The following XKR6 variants were observed in gnomAD, a reference collection of about 807,000 sequenced individuals.
XKR6 encodes the protein XK-related protein 6.
Under a neutral mutation model 56.7 loss-of-function variants are expected in XKR6, and 22 were observed. That is an observed-to-expected ratio of 0.39 (90% CI 0.28 to 0.55). XKR6 has a LOEUF of 0.55. Ranked by LOEUF, XKR6 falls within the 20% of genes least tolerant of loss-of-function variation. The pLI is 0.66. For synonymous variants in XKR6, 524 were observed against 387.8 expected (o/e 1.35, Z -4.13); for missense variants, 852 against 889.0 (o/e 0.96, Z 0.53).
At chr8:11,137,592 G>C (rs1800470196) in intron 1 of XKR6, 1 of 456,134 alleles carries the variant, frequency 2.2e-6, no homozygotes, top group Admixed American at 2.3e-5. Context: ...GTTCTCTTTA[G>C]AACCAGCTCT....
intron 1 of XKR6, among the ~76,000 whole-genome samples, chr8:11,178,581 T>C (rs1381868519): frequency 6.9e-6 from 1 of 145,174 alleles, no homozygotes; most frequent in African/African-American, 2.5e-5. Flanking sequence ...TATGTATATA[T>C]ATATGTACTA....
At chr8:11,164,819 T>C (rs1801989965) in intron 1 of XKR6, among the ~76,000 whole-genome samples, 2 of 152,228 alleles carry the variant, frequency 1.3e-5, no homozygotes, top group Non-Finnish European at 2.9e-5. Context: ...CCTAGCCTTG[T>C]ATACCTGAGA....
At position 11,005,367 on chromosome 8, in the gene XKR6, GAT is replaced by G. The variant is rs201480594; in HGVS notation, c.765-80539_765-80538del. On this transcript the variant is annotated intron_variant, in intron 1 of 2. Transcript: ENST00000416569. ...ATAAGAAGTGACTGTAGTAGATATA[GAT>G]ATATATATATATACATATCTCCAAT... 3.2e-3 allele frequency among the ~76,000 whole-genome samples: 453 copies of G among 140,310 alleles called. 2 individuals are homozygous for G. Among genetic ancestry groups the G allele is most frequent in the Non-Finnish European group, 4.0e-3 (268 of 66,740 alleles). 92.0% of individuals were successfully genotyped at this position (140,310 alleles called of 152,430 possible).
chr8:10,941,186 G>C (rs1174767517), intron 1 of XKR6, among the ~76,000 whole-genome samples: 2 of 152,064 alleles, frequency 1.3e-5, no homozygotes, highest in East Asian at 3.9e-4. Flanking sequence ...CTTCCTCCGG[G>C]TTCACAGCCT....
intron 1 of XKR6, chr8:11,108,190 C>T (rs777950430): frequency 4.5e-6 from 2 of 439,720 alleles, no homozygotes; most frequent in South Asian, 3.3e-5. Flanking sequence ...ATGTCCACTA[C>T]ACTTATAAAC....
At chr8:10,901,480 C>T (rs1192148598) in intron 2 of XKR6, among the ~76,000 whole-genome samples, 1 of 152,188 alleles carries the variant, frequency 6.6e-6, no homozygotes, top group Non-Finnish European at 1.5e-5. Context: ...GCTGAAATCA[C>T]ATCTTCATAG....
At chr8:11,051,381 C>T (rs1799544002) in intron 1 of XKR6, among the ~76,000 whole-genome samples, 1 of 152,020 alleles carries the variant, frequency 6.6e-6, no homozygotes, top group East Asian at 1.9e-4. Context: ...TGATGACTCC[C>T]AAAGTGACAT....
intron 1 of XKR6, among the ~76,000 whole-genome samples, chr8:10,938,357 T>A (rs1328479894): frequency 1.3e-5 from 2 of 152,166 alleles, no homozygotes; most frequent in Admixed American, 1.3e-4. Context: ...AAATCCCCCG[T>A]CTTCTGCATC....
At chr8:11,120,366 A>C (rs1270968001) in intron 1 of XKR6, among the ~76,000 whole-genome samples, 1 of 152,226 alleles carries the variant, frequency 6.6e-6, no homozygotes, top group African/African-American at 2.4e-5. Flanking sequence ...ATGCGCAAAA[A>C]TCACAAGCAT....
At chr8:11,033,545 T>A (rs1055773642) in intron 1 of XKR6, among the ~76,000 whole-genome samples, 1 of 152,068 alleles carries the variant, frequency 6.6e-6, no homozygotes. Context: ...ATGAAGAAGA[T>A]CACGATGACA....
intron 1 of XKR6, among the ~76,000 whole-genome samples, chr8:11,017,774 C>T (rs1016513025): frequency 6.6e-6 from 1 of 152,194 alleles, no homozygotes; most frequent in Admixed American, 6.5e-5. Flanking sequence ...CCACATCAGT[C>T]AGAGGCACCA....
At chr8:11,152,501 T>C (rs193177920) in intron 1 of XKR6, among the ~76,000 whole-genome samples, 19 of 152,170 alleles carry the variant, frequency 1.2e-4, no homozygotes, top group Non-Finnish European at 2.2e-4. Flanking sequence ...GAAAGGAAAA[T>C]TAAATCACCT....
At chr8:11,100,878 C>A (rs1049459955) in intron 1 of XKR6, among the ~76,000 whole-genome samples, 5 of 152,098 alleles carry the variant, frequency 3.3e-5, no homozygotes, top group African/African-American at 4.8e-5. Flanking sequence ...GAAAGGTGGC[C>A]GCAAATGTGA....
chr8:11,003,303 TCAC>T (rs1158138012), intron 1 of XKR6, among the ~76,000 whole-genome samples: 7 of 152,110 alleles, frequency 4.6e-5, no homozygotes, highest in Non-Finnish European at 8.8e-5. Flanking sequence ...CACCTCATCA[TCAC>T]CACCATCACC....
At chr8:11,091,607 G>A (rs1798076911) in intron 1 of XKR6, among the ~76,000 whole-genome samples, 1 of 152,174 alleles carries the variant, frequency 6.6e-6, no homozygotes, top group African/African-American at 2.4e-5. Flanking sequence ...CAGGAATAGG[G>A]GAGGAGGCAG....
chr8:11,127,420 C>T lies in XKR6; in HGVS notation c.764+73156G>A, dbSNP rs551916215. 8.9e-4 allele frequency among the ~76,000 whole-genome samples: 135 copies of T among 152,342 alleles called. 1 individual carries two copies. The highest frequency in any genetic ancestry group is 2.9e-3 in the African/African-American group (119 of 41,570). ...GTAACAAATTACAATTACAATTACACTTACCAGTGGCTTAAACTAAGATAA... is the reference window on the plus strand; with the variant it reads ...GTAACAAATTACAATTACAATTACATTTACCAGTGGCTTAAACTAAGATAA... On this transcript the variant is annotated intron_variant, in intron 1 of 2. Transcript: ENST00000416569.
intron 1 of XKR6, among the ~76,000 whole-genome samples, chr8:10,952,702 G>T (rs935481552): frequency 9.2e-5 from 14 of 152,302 alleles, no homozygotes; most frequent in South Asian, 8.3e-4. Context: ...GTAGTCCCCA[G>T]TGCTGGAGGT....
At position 10,948,110 on chromosome 8, in the gene XKR6, C is replaced by T. The variant is rs368384327; in HGVS notation, c.765-23280G>A. 2.0e-5 allele frequency among the ~76,000 whole-genome samples: 3 copies of T among 152,156 alleles called. No homozygotes were observed. The East Asian group carries it at 5.8e-4, about 29-fold the overall frequency. ...GCGGCTGCCATTTGTATGCCAGGCA[C>T]CACCAAAATATCTCACTGGTTCCTC... On this transcript the variant is annotated intron_variant, in intron 1 of 2. Transcript: ENST00000416569.
At chr8:11,005,130 C>T (rs1188202825) in intron 1 of XKR6, among the ~76,000 whole-genome samples, 2 of 151,438 alleles carry the variant, frequency 1.3e-5, no homozygotes, top group African/African-American at 4.9e-5. Context: ...CATACAGTCA[C>T]ATTGTATAGG....
Sources: allele counts gnomAD v4.1 joint callset (sites outside exome capture counted in the v4.1 genomes callset), GRCh38; gene constraint gnomAD v4.1.1; transcripts MANE v1.5; gene names NCBI Gene and HGNC (gene_info 2026-07-23, HGNC 2026-07-21).